CREB5: variants seen among roughly 807,000 people sequenced by gnomAD.
CREB5 encodes cAMP responsive element binding protein 5, also known as cyclic AMP-responsive element-binding protein 5.
CREB5 carries 19 observed loss-of-function variants against 57.1 expected under a neutral mutation model. The observed-to-expected ratio is 0.33, with a 90% CI of 0.23 to 0.49. The LOEUF is 0.49. Among genes scored for constraint, CREB5 ranks in the 20% least tolerant of loss-of-function variants. The probability of loss-of-function intolerance (pLI) is 0.99; values close to 1 mark genes in which losing one functional copy is unlikely to be tolerated. For missense variants in CREB5, 579 were observed against 671.6 expected (o/e 0.86, Z 1.52); for synonymous variants, 238 against 238.3 (o/e 1.00, Z 0.01).
chr7:28,369,352 C>T lies in CREB5; in HGVS notation c.-25+69911C>T, dbSNP rs577784258. 7.2e-5 allele frequency among the ~76,000 whole-genome samples: 11 copies of T among 152,200 alleles called. No individual in the cohort carries two copies. The East Asian group carries it at 1.4e-3, about 19-fold the overall frequency. ...AGCTCACCTCACTACTGAGCAATGA[C>T]GTGGAATTGGAGCTGGTATCACAGA... On this transcript the variant is annotated intron_variant, in intron 1 of 9. Transcript: ENST00000396299.
chr7:28,812,726 G>A (rs1428412610), intron 9 of CREB5, among the ~76,000 whole-genome samples: 1 of 152,184 alleles, frequency 6.6e-6, no homozygotes, highest in Non-Finnish European at 1.5e-5. Flanking sequence ...ATGCTGGAGA[G>A]GATGCTGCAG....
intron 5 of CREB5, among the ~76,000 whole-genome samples, chr7:28,576,149 A>G (rs1795901143): frequency 6.6e-6 from 1 of 152,192 alleles, no homozygotes; most frequent in Admixed American, 6.5e-5. Flanking sequence ...TCCCACCTGG[A>G]ACACAGCAAG....
chr7:28,348,595 A>C (rs978389522), intron 1 of CREB5, among the ~76,000 whole-genome samples: 3 of 152,138 alleles, frequency 2.0e-5, no homozygotes, highest in African/African-American at 7.2e-5. Flanking sequence ...GTATAATCGA[A>C]ATTCCCATTA....
chr7:28,528,704 CAAAAAAAAAAAA>C (rs778154325), intron 4 of CREB5, among the ~76,000 whole-genome samples: 3 of 58,392 alleles, frequency 5.1e-5, no homozygotes, highest in Non-Finnish European at 1.0e-4. Context: ...AACTCCATCT[CAAAAAAAAAAAA>C]AAAAAAAAAA....
intron 4 of CREB5, among the ~76,000 whole-genome samples, chr7:28,519,536 A>AG (rs1480203510): frequency 1.3e-5 from 2 of 152,190 alleles, no homozygotes; most frequent in East Asian, 1.9e-4. Flanking sequence ...CTTGGTGGTA[A>AG]TGGGTTTGCA....
intron 4 of CREB5, among the ~76,000 whole-genome samples, chr7:28,561,154 C>T (rs1348389995): frequency 2.6e-5 from 4 of 152,112 alleles, no homozygotes; most frequent in South Asian, 2.1e-4. Flanking sequence ...TTTTTATTTT[C>T]TCTTGTTCCA....
intron 1 of CREB5, among the ~76,000 whole-genome samples, chr7:28,444,457 GT>G (rs2128562481): frequency 6.6e-6 from 1 of 152,308 alleles, no homozygotes; most frequent in Non-Finnish European, 1.5e-5. Context: ...TGATGAAGAG[GT>G]TGGTGGCTGG....
chr7:28,420,617 GCCAATATGGTGAAACC>G (rs922831012), intron 1 of CREB5, among the ~76,000 whole-genome samples: 2 of 151,708 alleles, frequency 1.3e-5, no homozygotes, highest in African/African-American at 4.8e-5. Flanking sequence ...GACCAGCCTG[GCCAATATGGTGAAACC>G]CCTTCTCTAC....
intron 5 of CREB5, among the ~76,000 whole-genome samples, chr7:28,612,543 GGTGTGTGTGTGTGTGTGT>G (rs59074697): frequency 5.1e-5 from 7 of 137,298 alleles, no homozygotes; most frequent in South Asian, 2.5e-4. Flanking sequence ...TTAGAGAAGG[GGTGTGTGTGTGTGTGTGT>G]GTGTGTGTGT....
At chr7:28,605,240 G>A (rs41273) in intron 5 of CREB5, among the ~76,000 whole-genome samples, 19,951 of 152,164 alleles carry the variant, frequency 0.13, 1,490 homozygotes, top group African/African-American at 0.18. Flanking sequence ...CGTGGTGGTA[G>A]GTAAACTACT....
intron 1 of CREB5, among the ~76,000 whole-genome samples, chr7:28,375,320 A>C (rs748315145): frequency 6.6e-6 from 1 of 152,192 alleles, no homozygotes; most frequent in Non-Finnish European, 1.5e-5. Context: ...AAAACAATTG[A>C]ACCCATGGAG....
chr7:28,306,555 GTTTT>G (rs869277871), intron 1 of CREB5, among the ~76,000 whole-genome samples: 3 of 58,086 alleles, frequency 5.2e-5, no homozygotes, highest in Non-Finnish European at 9.2e-5. Context: ...TGTTTTTTTT[GTTTT>G]TTTTTTTTTT....
At chr7:28,701,064 A>G (rs1801835007) in intron 5 of CREB5, among the ~76,000 whole-genome samples, 1 of 152,128 alleles carries the variant, frequency 6.6e-6, no homozygotes, top group Non-Finnish European at 1.5e-5. Flanking sequence ...AACTTGAGAG[A>G]AGCATTAAGA....
At chr7:28,581,676 AGTTATT>A (rs1249224098) in intron 5 of CREB5, among the ~76,000 whole-genome samples, 1 of 152,212 alleles carries the variant, frequency 6.6e-6, no homozygotes. Context: ...AACAGCCTCC[AGTTATT>A]GTATCAGGCC....
intron 1 of CREB5, among the ~76,000 whole-genome samples, chr7:28,346,375 A>G (rs2127989686): frequency 6.6e-6 from 1 of 152,316 alleles, no homozygotes; most frequent in African/African-American, 2.4e-5. Flanking sequence ...GGGAGAAGGA[A>G]TGAGCTAGCT....
At chr7:28,496,184 G>C (rs1792036635) in intron 3 of CREB5, among the ~76,000 whole-genome samples, 1 of 152,106 alleles carries the variant, frequency 6.6e-6, no homozygotes, top group Admixed American at 6.5e-5. Flanking sequence ...ACCCTAACAG[G>C]ATAATCAAAT....
At chr7:28,751,565 GT>G (rs1804975322) in intron 7 of CREB5, among the ~76,000 whole-genome samples, 9 of 152,162 alleles carry the variant, frequency 5.9e-5, no homozygotes, top group Non-Finnish European at 1.5e-5. Flanking sequence ...ATAGACACAT[GT>G]TGTTTTTTCT....
chr7:28,633,342 C>G (rs886766135), intron 5 of CREB5, among the ~76,000 whole-genome samples: 1 of 151,312 alleles, frequency 6.6e-6, no homozygotes, highest in African/African-American at 2.4e-5. Context: ...GAAGCTTGAT[C>G]AGTTTAAACC....
chr7:28,395,541 T>C (rs1204438622), intron 1 of CREB5, among the ~76,000 whole-genome samples: 3 of 152,232 alleles, frequency 2.0e-5, no homozygotes, highest in Non-Finnish European at 4.4e-5. Flanking sequence ...TACTCCTTTC[T>C]TTTTCCAACT....
Sources: gnomAD v4.1 joint callset for allele counts (sites outside exome capture counted in the v4.1 genomes callset) on GRCh38, gnomAD v4.1.1 for gene constraint, MANE v1.5 for transcripts, NCBI Gene and HGNC (gene_info 2026-07-23, HGNC 2026-07-21) for gene names.